The following EYS variants were observed in gnomAD, a reference collection of about 807,000 sequenced individuals.
EYS encodes the protein EGF-like photoreceptor maintenance factor.
A neutral mutation model predicts 282.1 loss-of-function variants in EYS; 250 were observed. The observed-to-expected ratio is 0.89, with a 90% CI of 0.80 to 0.98. The LOEUF (loss-of-function observed/expected upper bound fraction) is 0.98, where lower values mean the gene tolerates loss of function less well. EYS is among the 50% of genes least tolerant of loss of function. The pLI is 0.00. For missense variants in EYS, 4,016 were observed against 3,709.0 expected (o/e 1.08, Z -2.15); for synonymous variants, 1,355 against 1,282.9 (o/e 1.06, Z -1.20).
chr6:64,025,471 C>T (rs745661856), intron 33 of EYS, among the ~76,000 whole-genome samples: 13 of 152,300 alleles, frequency 8.5e-5, no homozygotes, highest in African/African-American at 1.7e-4. Context: ...AACTTCCTCT[C>T]GCCTCTCTTC....
chr6:64,403,179 A>G (rs1026046329), intron 28 of EYS, among the ~76,000 whole-genome samples: 4 of 152,134 alleles, frequency 2.6e-5, no homozygotes, highest in Admixed American at 2.6e-4. Flanking sequence ...TAAAATATAG[A>G]CTTTATAAAA....
chr6:64,541,302 C>T (rs902248553), intron 26 of EYS, among the ~76,000 whole-genome samples: 1 of 152,140 alleles, frequency 6.6e-6, no homozygotes, highest in Non-Finnish European at 1.5e-5. Context: ...TTAGAAATAC[C>T]TCATTTTCAA....
At chr6:64,731,686 A>G (rs2149952714) in intron 22 of EYS, among the ~76,000 whole-genome samples, 1 of 152,338 alleles carries the variant, frequency 6.6e-6, no homozygotes, top group Admixed American at 6.5e-5. Context: ...GATGTGGAGA[A>G]ATAGGAATGC....
chr6:65,178,351 C>T (rs2150231454), intron 12 of EYS, among the ~76,000 whole-genome samples: 1 of 151,958 alleles, frequency 6.6e-6, no homozygotes, highest in Non-Finnish European at 1.5e-5. Context: ...CCTTTACTAC[C>T]CAGGCGCCAG....
At chr6:64,756,997 A>G (rs116807174) in intron 22 of EYS, among the ~76,000 whole-genome samples, 3,170 of 151,922 alleles carry the variant, frequency 0.021, 106 homozygotes, top group African/African-American at 0.069. Context: ...CTTCTTTGAG[A>G]CTTGGTAGAT....
At chr6:65,053,035 G>T (rs568071822) in intron 13 of EYS, among the ~76,000 whole-genome samples, 83 of 151,818 alleles carry the variant, frequency 5.5e-4, no homozygotes, top group African/African-American at 2.0e-3. Context: ...TTTAGTACTA[G>T]AAACTAACAT....
At position 65,317,830 on chromosome 6, in the gene EYS, CTTTCTTTCTTTCTTTCTTT is replaced by C. The variant is rs1769345661; in HGVS notation, c.1766+17131_1766+17149del. ...CCTTCCTTCCTTCCTTCCTTCCTTT[CTTTCTTTCTTTCTTTCTTT>C]CTTTCTTTCTTTCTTTCTTTCTTTC... On this transcript the variant is annotated intron_variant, in intron 11 of 42. Coordinates refer to ENST00000503581, the MANE Select transcript of EYS (RefSeq NM_001142800.2). Among the ~76,000 whole-genome samples the C allele has an allele frequency of 6.0e-3, 470 of 78,536 alleles. 1 individual carries two copies. The highest frequency in any genetic ancestry group is 0.052 in the East Asian group (121 of 2,320). 51.5% of individuals were successfully genotyped at this position (78,536 alleles called of 152,430 possible).
chr6:64,031,509 G>A (rs998993288), intron 33 of EYS, among the ~76,000 whole-genome samples: 3 of 152,246 alleles, frequency 2.0e-5, no homozygotes, highest in African/African-American at 7.2e-5. Flanking sequence ...GAGGAGTGCA[G>A]GCGCAGGGCG....
intron 22 of EYS, among the ~76,000 whole-genome samples, chr6:64,677,126 C>T (rs140379599): frequency 1.3e-5 from 2 of 152,272 alleles, no homozygotes; most frequent in African/African-American, 2.4e-5. Flanking sequence ...GCCATTATCA[C>T]ATCTAACAAT....
intron 36 of EYS, among the ~76,000 whole-genome samples, chr6:63,840,275 A>G (rs1051226670): frequency 3.3e-5 from 5 of 151,084 alleles, no homozygotes; most frequent in Admixed American, 2.6e-4. Flanking sequence ...TGTGTTAGCC[A>G]GGATGGTCTC....
At chr6:64,620,172 C>G (rs941318712) in intron 23 of EYS, among the ~76,000 whole-genome samples, 1 of 152,128 alleles carries the variant, frequency 6.6e-6, no homozygotes, top group Non-Finnish European at 1.5e-5. Flanking sequence ...CCAAGAACCA[C>G]AGGTATGACT....
chr6:65,319,204 C>CAAAAAAAAAA lies in EYS; in HGVS notation c.1766+15766_1766+15775dup, dbSNP rs55687610. ...CAAAACCCCGTCTCTACTAAAAATGCAAAAAAAAAAAAAAAAAAAAAAACA... is the reference window on the plus strand; with the variant it reads ...CAAAACCCCGTCTCTACTAAAAATGCAAAAAAAAAAAAAAAAAAAAAAAAAAAAAAAAACA... On this transcript the variant is annotated intron_variant, in intron 11 of 42. Transcript: ENST00000503581. 1.2e-3 allele frequency among the ~76,000 whole-genome samples: 54 copies of CAAAAAAAAAA among 44,358 alleles called. 1 individual carries two copies. Among genetic ancestry groups the CAAAAAAAAAA allele is most frequent in the Middle Eastern group, 0.025 (1 of 40 alleles). The allele number at this position is 44,358 out of a possible 152,430, so 29.1% of individuals were successfully genotyped here. A position where few individuals can be genotyped will look rare whatever the true frequency, so the allele number is the denominator to read the frequency against.
At chr6:64,722,745 T>C in intron 22 of EYS, among the ~76,000 whole-genome samples, 1 of 152,330 alleles carries the variant, frequency 6.6e-6, no homozygotes, top group Non-Finnish European at 1.5e-5. Flanking sequence ...TGAATTTCCT[T>C]GGCCATTAAC....
intron 26 of EYS, among the ~76,000 whole-genome samples, chr6:64,556,361 T>C (rs1765232784): frequency 6.6e-6 from 1 of 151,908 alleles, no homozygotes; most frequent in Admixed American, 6.6e-5. Flanking sequence ...ATGTGGTAAG[T>C]GAAGGAAGCT....
chr6:64,113,299 G>T (rs11962086), intron 31 of EYS, among the ~76,000 whole-genome samples: 7 of 152,020 alleles, frequency 4.6e-5, no homozygotes, highest in African/African-American at 1.7e-4. Flanking sequence ...CTATAACATA[G>T]GCTTTGAACA....
At chr6:65,333,808 T>C (rs1769882776) in intron 11 of EYS, among the ~76,000 whole-genome samples, 1 of 151,662 alleles carries the variant, frequency 6.6e-6, no homozygotes, top group East Asian at 1.9e-4. Context: ...TTATAAAATA[T>C]CTTTCTTTTT....
intron 12 of EYS, among the ~76,000 whole-genome samples, chr6:65,136,510 A>G (rs1776026236): frequency 6.6e-6 from 1 of 152,062 alleles, no homozygotes; most frequent in Non-Finnish European, 1.5e-5. Flanking sequence ...AACATGTAAT[A>G]ATATTTATAA....
intron 2 of EYS, among the ~76,000 whole-genome samples, chr6:65,526,511 T>C (rs976882417): frequency 1.3e-5 from 2 of 152,186 alleles, no homozygotes; most frequent in Admixed American, 6.5e-5. Flanking sequence ...CAACCTGTCT[T>C]TTTTAGTTTA....
At chr6:65,371,731 CTCTCTCTCTCTGTGTGTGTGTGTG>C (rs1177487450) in intron 8 of EYS, among the ~76,000 whole-genome samples, 5 of 51,050 alleles carry the variant, frequency 9.8e-5, no homozygotes, top group African/African-American at 2.5e-4. Context: ...CTCTCTCTCT[CTCTCTCTCTCTGTGTGTGTGTGTG>C]TGTGTGTGTG....
Sources: gnomAD v4.1 joint callset for allele counts (sites outside exome capture counted in the v4.1 genomes callset) on GRCh38, gnomAD v4.1.1 for gene constraint, MANE v1.5 for transcripts, NCBI Gene and HGNC (gene_info 2026-07-23, HGNC 2026-07-21) for gene names.